The following LSAMP variants were observed in gnomAD, a reference collection of about 807,000 sequenced individuals.
LSAMP encodes limbic system-associated membrane protein.
In LSAMP, 7 loss-of-function variants were observed where a neutral mutation model predicts 38.6. The observed-to-expected ratio is 0.18, with a 90% CI of 0.10 to 0.34. The LOEUF is 0.34. Ranked by LOEUF, LSAMP falls within the 10% of genes least tolerant of loss-of-function variation. The probability of loss-of-function intolerance (pLI) is 1.00; values close to 1 mark genes in which losing one functional copy is unlikely to be tolerated. For missense variants in LSAMP, 313 were observed against 420.0 expected, an observed-to-expected ratio of 0.75 and a Z score of 2.23; for synonymous variants, 154 against 166.8, an observed-to-expected ratio of 0.92 and a Z score of 0.59.
chr3:116,126,881 A>T (rs140064874), intron 1 of LSAMP, among the ~76,000 whole-genome samples: 13 of 151,356 alleles, frequency 8.6e-5, no homozygotes, highest in African/African-American at 1.2e-4. Flanking sequence ...ACAAAAACAA[A>T]AGAATCCAGC....
chr3:115,898,139 T>G (rs1936775376), intron 3 of LSAMP, among the ~76,000 whole-genome samples: 1 of 152,132 alleles, frequency 6.6e-6, no homozygotes, highest in South Asian at 2.1e-4. Context: ...TCTCAGGGTG[T>G]TAAGGGTTTA....
chr3:116,316,205 A>T lies in LSAMP; in HGVS notation c.155+128672T>A, dbSNP rs138403761. 4.8e-3 allele frequency among the ~76,000 whole-genome samples: 725 copies of T among 152,310 alleles called. 4 individuals are homozygous for T. The highest frequency in any genetic ancestry group is 0.017 in the African/African-American group (687 of 41,566). On this transcript the variant is annotated intron_variant, in intron 1 of 6. Coordinates refer to ENST00000490035, the MANE Select transcript of LSAMP (RefSeq NM_002338.5). ...ATGTAACAACTCAAATAATTGGGAAACATCACAGGTTCTAGTGAAGCAGTA... is the reference window on the plus strand; with the variant it reads ...ATGTAACAACTCAAATAATTGGGAATCATCACAGGTTCTAGTGAAGCAGTA...
chr3:116,196,615 T>TA (rs1710887825), intron 1 of LSAMP, among the ~76,000 whole-genome samples: 1 of 152,154 alleles, frequency 6.6e-6, no homozygotes, highest in Non-Finnish European at 1.5e-5. Flanking sequence ...ATGAAAACTG[T>TA]AGGGAAAAAG....
intron 3 of LSAMP, among the ~76,000 whole-genome samples, chr3:115,873,378 GA>G (rs61243191): frequency 0.23 from 27,236 of 119,178 alleles, 3,142 homozygotes; most frequent in African/African-American, 0.37. Context: ...GTGAGGCTCT[GA>G]AAAAAAAAAA....
chr3:115,874,754 G>A (rs1936138317), intron 3 of LSAMP, among the ~76,000 whole-genome samples: 1 of 152,006 alleles, frequency 6.6e-6, no homozygotes, highest in Non-Finnish European at 1.5e-5. Flanking sequence ...TGTGAAGCAG[G>A]CAAGATATCT....
At chr3:116,147,466 G>A (rs1709516031) in intron 1 of LSAMP, among the ~76,000 whole-genome samples, 1 of 151,836 alleles carries the variant, frequency 6.6e-6, no homozygotes, top group Non-Finnish European at 1.5e-5. Context: ...CTTTTAAAAT[G>A]GTCAAGAAAG....
chr3:115,881,318 C>G (rs1338283371), intron 3 of LSAMP, among the ~76,000 whole-genome samples: 1 of 152,126 alleles, frequency 6.6e-6, no homozygotes, highest in Non-Finnish European at 1.5e-5. Flanking sequence ...AATTGTCACA[C>G]CTGTGCCTTC....
chr3:116,157,497 T>C (rs2107533909), intron 1 of LSAMP, among the ~76,000 whole-genome samples: 1 of 152,228 alleles, frequency 6.6e-6, no homozygotes, highest in Admixed American at 6.5e-5. Context: ...TTACTCTCCT[T>C]ATGAGAATTA....
intron 1 of LSAMP, among the ~76,000 whole-genome samples, chr3:116,437,299 A>C (rs979279219): frequency 1.3e-5 from 2 of 152,118 alleles, no homozygotes; most frequent in Non-Finnish European, 2.9e-5. Flanking sequence ...AATATGGTGC[A>C]GTGTATACTG....
At chr3:116,179,662 C>T (rs1298511861) in intron 1 of LSAMP, among the ~76,000 whole-genome samples, 1 of 152,012 alleles carries the variant, frequency 6.6e-6, no homozygotes, top group Non-Finnish European at 1.5e-5. Context: ...CACCTTTAAA[C>T]AACCAGATCT....
intron 1 of LSAMP, among the ~76,000 whole-genome samples, chr3:116,288,624 C>T (rs1403757001): frequency 1.1e-4 from 16 of 152,264 alleles, no homozygotes; most frequent in East Asian, 9.7e-4. Context: ...GATGACGTCC[C>T]GAAAATACTG....
chr3:116,034,551 T>C (rs1427848899), intron 2 of LSAMP, among the ~76,000 whole-genome samples: 2 of 152,172 alleles, frequency 1.3e-5, no homozygotes, highest in Non-Finnish European at 2.9e-5. Flanking sequence ...GATATGGCTT[T>C]TCATTAGCTG....
intron 3 of LSAMP, among the ~76,000 whole-genome samples, chr3:115,895,590 A>G (rs758496482): frequency 4.6e-5 from 7 of 152,086 alleles, no homozygotes; most frequent in Non-Finnish European, 7.4e-5. Flanking sequence ...AAGAGGGGAA[A>G]TATTTCTTTG....
chr3:116,320,637 T>C (rs371614761), intron 1 of LSAMP, among the ~76,000 whole-genome samples: 5 of 152,146 alleles, frequency 3.3e-5, no homozygotes, highest in African/African-American at 1.2e-4. Context: ...TAATTTATTC[T>C]CACTTTTACC....
At chr3:116,006,895 T>C (rs1199514309) in intron 3 of LSAMP, among the ~76,000 whole-genome samples, 1 of 152,232 alleles carries the variant, frequency 6.6e-6, no homozygotes, top group Non-Finnish European at 1.5e-5. Flanking sequence ...CTGTGACTAT[T>C]TTCCCATCTG....
chr3:116,185,341 AACCCT>A (rs1710588903), intron 1 of LSAMP, among the ~76,000 whole-genome samples: 2 of 151,966 alleles, frequency 1.3e-5, no homozygotes, highest in South Asian at 4.1e-4. Context: ...GCCAGCTCTT[AACCCT>A]GAATATTGAT....
intron 2 of LSAMP, among the ~76,000 whole-genome samples, chr3:116,036,637 A>G (rs866562465): frequency 1.3e-5 from 2 of 152,202 alleles, no homozygotes; most frequent in African/African-American, 4.8e-5. Context: ...AAATTTGGCA[A>G]TCTCAAAATG....
chr3:115,985,736 A>C (rs1440147827), intron 3 of LSAMP, among the ~76,000 whole-genome samples: 1 of 152,174 alleles, frequency 6.6e-6, no homozygotes, highest in Non-Finnish European at 1.5e-5. Flanking sequence ...GAAGTCCCAC[A>C]TGGTGAGGAA....
intron 1 of LSAMP, among the ~76,000 whole-genome samples, chr3:116,208,642 C>G (rs1427801848): frequency 6.6e-6 from 1 of 152,086 alleles, no homozygotes; most frequent in African/African-American, 2.4e-5. Context: ...AGCTGCAGGT[C>G]TGTTGGAATA....
Sources: allele counts gnomAD v4.1 joint callset (sites outside exome capture counted in the v4.1 genomes callset), GRCh38; gene constraint gnomAD v4.1.1; transcripts MANE v1.5; gene names NCBI Gene and HGNC (gene_info 2026-07-23, HGNC 2026-07-21).